UBR1: variants seen among roughly 807,000 people sequenced by gnomAD.
The protein encoded by UBR1 is E3 ubiquitin-protein ligase UBR1.
UBR1 carries 102 observed loss-of-function variants against 242.1 expected under a neutral mutation model. The observed-to-expected ratio is 0.42, with a 90% CI of 0.36 to 0.50. UBR1 has a LOEUF of 0.50. UBR1 is among the 20% of genes least tolerant of loss of function. The pLI, the probability that UBR1 is intolerant of heterozygous loss-of-function variation, is 0.01. For missense variants in UBR1, 1,772 were observed against 2,101.8 expected, an observed-to-expected ratio of 0.84 and a Z score of 3.07; for synonymous variants, 675 against 684.8, an observed-to-expected ratio of 0.99 and a Z score of 0.22.
intron 5 of UBR1, among the ~76,000 whole-genome samples, chr15:43,069,146 C>A (rs932868503): frequency 6.6e-6 from 1 of 152,152 alleles, no homozygotes; most frequent in Non-Finnish European, 1.5e-5. Context: ...AGACAGCTCA[C>A]CTAATCTTTT....
intron 37 of UBR1, among the ~76,000 whole-genome samples, chr15:42,982,038 C>T (rs1359320871): frequency 6.6e-6 from 1 of 152,166 alleles, no homozygotes; most frequent in East Asian, 1.9e-4. Context: ...TGTTAGTCTC[C>T]TTCTTTGGTG....
Position 43,002,722 on chromosome 15 carries a change from C to A in UBR1, c.3510-18G>T. 6.2e-7 allele frequency: 1 copy of A among 1,613,954 alleles called. No homozygotes were observed. Among genetic ancestry groups the A allele is most frequent in the Non-Finnish European group, 8.5e-7 (1 of 1,180,002 alleles). Reference sequence around the variant, plus strand: ...CAAAATACCTGCAAAATTACAAAGACACAGGCCCATTCAGAACTACACATG... The same window carrying A: ...CAAAATACCTGCAAAATTACAAAGAAACAGGCCCATTCAGAACTACACATG... On this transcript the variant is annotated intron_variant, in intron 31 of 46. Transcript: ENST00000290650.
intron 1 of UBR1, among the ~76,000 whole-genome samples, chr15:43,103,190 C>A (rs149788270): frequency 3.9e-5 from 6 of 152,186 alleles, no homozygotes; most frequent in African/African-American, 1.4e-4. Flanking sequence ...TTAAATTAAA[C>A]CCTGTCTCTA....
At chr15:43,074,076 A>G (rs549190986) in intron 4 of UBR1, among the ~76,000 whole-genome samples, 202 of 152,334 alleles carry the variant, frequency 1.3e-3, no homozygotes, top group African/African-American at 4.8e-3. Flanking sequence ...TAACTGACCA[A>G]GTTTTCTCTC....
At position 43,105,091 on chromosome 15, in the gene UBR1, A is replaced by C. The variant is rs576203880; in HGVS notation, c.81+851T>G. The stretch of plus-strand genomic sequence containing the variant: ...TACAAGCCAAAGAAACTTCAGAAAA[A>C]ATGTGTATATCCCAAATCTCTAAAT... On this transcript the variant is annotated intron_variant, in intron 1 of 46. Transcript: ENST00000290650. Among the ~76,000 whole-genome samples the C allele has an allele frequency of 6.6e-5, 10 of 152,294 alleles. No homozygotes were observed. In the East Asian group the frequency reaches 1.9e-3, roughly 29 times the overall value.
At chr15:42,987,776 G>A (rs2032496847) in intron 35 of UBR1, among the ~76,000 whole-genome samples, 1 of 145,722 alleles carries the variant, frequency 6.9e-6, no homozygotes, top group African/African-American at 2.5e-5. Context: ...TGAAATATAA[G>A]TGTCTTGTTA....
At position 43,071,037 on chromosome 15, in the gene UBR1, C is replaced by T; in HGVS notation, c.529-112G>A. 4 of 1,400,310 alleles carry T rather than the reference C, an allele frequency of 2.9e-6. No individual in the cohort carries two copies. In the South Asian group the frequency reaches 3.6e-5, roughly 13 times the overall value. The allele number at this position is 1,400,310 out of a possible 1,614,324, so 86.7% of individuals were successfully genotyped here. A position where few individuals can be genotyped will look rare whatever the true frequency, so the allele number is the denominator to read the frequency against. The stretch of plus-strand genomic sequence containing the variant: ...TTTGCTGAATTCATTACAACATCGT[C>T]CAGGAATGAATTCAAGTTGAGCTCA... On this transcript the variant is annotated intron_variant, in intron 4 of 46. Coordinates refer to ENST00000290650, the MANE Select transcript of UBR1 (RefSeq NM_174916.3).
rs2031691531 is a variant in UBR1 at position 42,943,960 on chromosome 15, C to T, written c.*1369G>A. 6.6e-6 allele frequency: 1 copy of T among 152,240 alleles called. No homozygotes were observed. Among genetic ancestry groups the T allele is most frequent in the Non-Finnish European group, 1.5e-5 (1 of 68,028 alleles). The allele number at this position is 152,240 out of a possible 1,614,324, so 9.4% of individuals were successfully genotyped here. A position where few individuals can be genotyped will look rare whatever the true frequency, so the allele number is the denominator to read the frequency against. On this transcript the variant is annotated 3_prime_UTR_variant, in exon 47 of 47. Coordinates refer to ENST00000290650, the MANE Select transcript of UBR1 (RefSeq NM_174916.3). ...ATAAAAGTACCAAAAAAATCTAGCC[C>T]CAAATGTGCATCACTAATCACTTAG...
intron 12 of UBR1, among the ~76,000 whole-genome samples, chr15:43,048,826 C>T (rs1195519776): frequency 6.6e-6 from 1 of 152,190 alleles, no homozygotes. Flanking sequence ...GAACTGTTCA[C>T]ACCCATCAGC....
chr15:42,990,052 G>C lies in UBR1; in HGVS notation c.3826C>G (p.Leu1276Val). ...GDSTLEFHSI[L>V]SFGVESSIKY... is the part of the protein sequence containing the mutation. ...TACGAAGACTCAACGCCAAAACTCA[G>C]GATGGAATGGAACTCCAAAGTAGAA... is the stretch of plus-strand genomic sequence containing the variant. Residue 1276 changes from leucine (L) to valine (V), a missense_variant, in exon 34 of 47, where the codon CTG becomes GTG. This residue lies in a region of UBR1 where 965 missense variants were observed against 1,079.7 expected (regional missense o/e 0.89). Coordinates refer to ENST00000290650, the MANE Select transcript of UBR1 (RefSeq NM_174916.3). 1 of 1,609,194 alleles carries C rather than the reference G, an allele frequency of 6.2e-7. No individual in the cohort carries two copies. The highest frequency in any genetic ancestry group is 8.5e-7 in the Non-Finnish European group (1 of 1,177,266).
At chr15:43,049,772 TA>T (rs1567136877) in intron 12 of UBR1, among the ~76,000 whole-genome samples, 1 of 152,146 alleles carries the variant, frequency 6.6e-6, no homozygotes, top group Non-Finnish European at 1.5e-5. Flanking sequence ...AAGTAAAAGA[TA>T]AAAAAGATTA....
At chr15:42,984,443 G>A (rs528801995) in intron 36 of UBR1, among the ~76,000 whole-genome samples, 1 of 152,264 alleles carries the variant, frequency 6.6e-6, no homozygotes, top group Admixed American at 6.5e-5. Flanking sequence ...GTTTAGGCCT[G>A]GGGCAGGAGT....
chr15:43,032,029 G>A (rs755890085), intron 20 of UBR1, among the ~76,000 whole-genome samples: 25 of 152,122 alleles, frequency 1.6e-4, no homozygotes, highest in East Asian at 7.7e-4. Flanking sequence ...GCAAGACTCC[G>A]TCTCAAAAAA....
chr15:43,026,406 A>G (rs1404277661), intron 23 of UBR1, 155 bp downstream of exon 23: 3 of 628,332 alleles, frequency 4.8e-6, no homozygotes, highest in African/African-American at 3.7e-5. Context: ...TGTATACTAG[A>G]TAAGATTATT....
At chr15:43,011,986 G>A (rs1421346140) in intron 29 of UBR1, 5 of 439,486 alleles carry the variant, frequency 1.1e-5, no homozygotes, top group Non-Finnish European at 2.3e-5. Context: ...CAGCGCTTTG[G>A]GAGGCCGAGG....
At chr15:43,059,910 C>T in intron 7 of UBR1, 85 bp from the exon 8 acceptor site, 2 of 1,572,666 alleles carry the variant, frequency 1.3e-6, no homozygotes, top group Admixed American at 3.3e-5. Context: ...GAAGAAATCA[C>T]ATAACCCTGC....
intron 37 of UBR1, among the ~76,000 whole-genome samples, chr15:42,981,740 C>A (rs1020326257): frequency 6.6e-6 from 1 of 152,076 alleles, no homozygotes. Flanking sequence ...TCCGCCGCAC[C>A]CAGCCACTTG....
At chr15:42,973,811 T>C (rs1051129959) in intron 39 of UBR1, among the ~76,000 whole-genome samples, 7 of 152,076 alleles carry the variant, frequency 4.6e-5, no homozygotes, top group Non-Finnish European at 7.4e-5. Flanking sequence ...TCACAGATTA[T>C]GCCTTTGGTT....
intron 1 of UBR1, among the ~76,000 whole-genome samples, chr15:43,102,856 C>T (rs1014081717): frequency 4.6e-5 from 7 of 152,120 alleles, no homozygotes; most frequent in Non-Finnish European, 8.8e-5. Flanking sequence ...TATATATATG[C>T]ACACATTTTC....
Sources: gnomAD v4.1 joint callset for allele counts (sites outside exome capture counted in the v4.1 genomes callset) on GRCh38, gnomAD v4.1.1 for gene constraint, gnomAD v4.1.1 regional missense constraint, MANE v1.5 for transcripts, NCBI Gene and HGNC (gene_info 2026-07-23, HGNC 2026-07-21) for gene names.